The following XPO1 variants were observed in gnomAD, a reference collection of about 807,000 sequenced individuals.
XPO1 encodes exportin 1.
Under a neutral mutation model 133.3 loss-of-function variants are expected in XPO1, and 5 were observed. The ratio of observed to expected loss-of-function variants is 0.04; its 90% CI spans 0.02 to 0.08. XPO1 has a LOEUF of 0.08. Among genes scored for constraint, XPO1 ranks in the 10% least tolerant of loss-of-function variants. The pLI is 1.00. For missense variants in XPO1, 506 were observed against 1,267.5 expected (o/e 0.40, Z 9.12); for synonymous variants, 419 against 408.2 (o/e 1.03, Z -0.32).
intron 17 of XPO1, 60 bp from the exon 18 acceptor site, chr2:61,488,831 G>A (rs974441749): frequency 2.4e-5 from 38 of 1,570,592 alleles, no homozygotes; most frequent in Non-Finnish European, 3.2e-5. Context: ...GCTGGGAACA[G>A]TGGCTCACGC....
chr2:61,515,041 C>A (rs1184868344), intron 4 of XPO1, among the ~76,000 whole-genome samples: 1 of 146,570 alleles, frequency 6.8e-6, no homozygotes, highest in African/African-American at 2.5e-5. Context: ...TGCACTCCAG[C>A]CTGGGCGACA....
chr2:61,509,495 G>A (rs914590795), intron 4 of XPO1, among the ~76,000 whole-genome samples: 9 of 151,986 alleles, frequency 5.9e-5, no homozygotes, highest in East Asian at 3.9e-4. Flanking sequence ...GCATGGTGCC[G>A]CATGACTGTA....
intron 4 of XPO1, among the ~76,000 whole-genome samples, chr2:61,522,185 T>C (rs1698727944): frequency 6.6e-6 from 1 of 152,128 alleles, no homozygotes; most frequent in Non-Finnish European, 1.5e-5. Context: ...TGCTCCCACA[T>C]AGCTGGGACC....
At chr2:61,531,790 G>C (rs1018664874) in intron 2 of XPO1, among the ~76,000 whole-genome samples, 6 of 152,184 alleles carry the variant, frequency 3.9e-5, no homozygotes, top group African/African-American at 1.2e-4. Context: ...TATAGCATGA[G>C]TAACAACTAA....
chr2:61,513,563 G>A (rs1209192937), intron 4 of XPO1, among the ~76,000 whole-genome samples: 2 of 149,572 alleles, frequency 1.3e-5, no homozygotes, highest in East Asian at 4.0e-4. Context: ...GACCTCAAGA[G>A]ATCTGCCTGC....
chr2:61,515,706 A>C (rs542675737), intron 4 of XPO1, among the ~76,000 whole-genome samples: 35 of 152,258 alleles, frequency 2.3e-4, no homozygotes, highest in Non-Finnish European at 4.1e-4. Context: ...ACTAAATAAA[A>C]TTTTATGAGT....
At chr2:61,520,762 C>G (rs1396833840) in intron 4 of XPO1, among the ~76,000 whole-genome samples, 1 of 152,154 alleles carries the variant, frequency 6.6e-6, no homozygotes, top group Non-Finnish European at 1.5e-5. Context: ...AAAACATCTT[C>G]CAGAACCATC....
At chr2:61,523,748 A>AT (rs1698794774) in intron 3 of XPO1, among the ~76,000 whole-genome samples, 1 of 152,214 alleles carries the variant, frequency 6.6e-6, no homozygotes, top group Non-Finnish European at 1.5e-5. Context: ...GTGAATGCTC[A>AT]TTTTATCCAA....
chr2:61,492,827 T>C lies in XPO1; in HGVS notation c.1385-79A>G. 6.4e-7 allele frequency: 1 copy of C among 1,561,878 alleles called. No homozygotes were observed. The highest frequency in any genetic ancestry group is 8.7e-7 in the Non-Finnish European group (1 of 1,153,666). On this transcript the variant is annotated intron_variant, in intron 13 of 24. Coordinates refer to ENST00000401558, the MANE Select transcript of XPO1 (RefSeq NM_003400.4). This position sits in a 1 kb window ranked among gnomAD's most constrained non-coding sequence, Gnocchi z 5.6. ...GAGTAACAATACATTTAGAAAATAT[T>C]TAGAAACTACAAGTACATTTCCTAA...
chr2:61,479,140 C>T (rs948104312), intron 24 of XPO1, among the ~76,000 whole-genome samples, 174 bp from the exon 25 acceptor site: 1 of 152,058 alleles, frequency 6.6e-6, no homozygotes, highest in Non-Finnish European at 1.5e-5. Flanking sequence ...GAATGAACTG[C>T]AAACCTGTTA....
chr2:61,489,184 C>T (rs1696843493), intron 17 of XPO1, among the ~76,000 whole-genome samples: 1 of 152,020 alleles, frequency 6.6e-6, no homozygotes. Flanking sequence ...GAGGCTGAGT[C>T]GGGTGCATCA....
At chr2:61,484,180 T>TTAA in intron 20 of XPO1, 75 bp from the exon 21 acceptor site, 3 of 1,308,534 alleles carry the variant, frequency 2.3e-6, no homozygotes, top group Non-Finnish European at 3.2e-6. Context: ...AAAGCAAGGC[T>TTAA]TAATCCAGTA....
At chr2:61,511,675 A>G (rs2104623870) in intron 4 of XPO1, among the ~76,000 whole-genome samples, 2 of 152,364 alleles carry the variant, frequency 1.3e-5, no homozygotes, top group South Asian at 4.1e-4. Context: ...CTGGGATTGC[A>G]GGCCTCAATC....
At chr2:61,491,914 GAA>G in intron 16 of XPO1, 119 bp downstream of exon 16, 1 of 1,277,100 alleles carries the variant, frequency 7.8e-7, no homozygotes, top group Non-Finnish European at 1.1e-6. Flanking sequence ...AAAAAAGAAA[GAA>G]AATTTAATCA....
intron 11 of XPO1, 188 bp from the exon 12 acceptor site, chr2:61,494,279 C>G (rs908428222): frequency 1.9e-6 from 1 of 523,550 alleles, no homozygotes; most frequent in Non-Finnish European, 3.4e-6. Context: ...CCCTAAAGCA[C>G]TTCAAAAATC....
rs1573090679 is a variant in XPO1, at chr2:61,478,974, AAC to A, written c.3070-10_3070-9del. On this transcript the variant is annotated splice_polypyrimidine_tract_variant and intron_variant, in intron 24 of 24. Transcript: ENST00000401558. ...GTCTTCACCTGCAAATTCCTGTGAA[AAC>A]AGATAGTTGAAATGTCAACGCAATA... The A allele has an allele frequency of 6.2e-6, 10 of 1,609,932 alleles. No homozygotes were observed. Among genetic ancestry groups the A allele is most frequent in the African/African-American group, 1.3e-5 (1 of 74,902 alleles).
At chr2:61,528,489 C>T (rs1001727433) in intron 2 of XPO1, among the ~76,000 whole-genome samples, 2 of 151,566 alleles carry the variant, frequency 1.3e-5, no homozygotes, top group South Asian at 4.2e-4. Context: ...AAAAACTAGC[C>T]GGGAATGGTG....
At chr2:61,487,651 T>G (rs1446456317) in intron 19 of XPO1, among the ~76,000 whole-genome samples, 2 of 152,174 alleles carry the variant, frequency 1.3e-5, no homozygotes, top group African/African-American at 4.8e-5. Context: ...AGTTAAAACC[T>G]AAAACTAATT....
At chr2:61,493,512 G>GA (rs1697094551) in intron 12 of XPO1, 1 of 203,450 alleles carries the variant, frequency 4.9e-6, no homozygotes, top group Admixed American at 5.5e-5. Context: ...GTCTCCAAAA[G>GA]AAAAAATTTT....
Sources: allele counts gnomAD v4.1 joint callset (sites outside exome capture counted in the v4.1 genomes callset), GRCh38; gene constraint gnomAD v4.1.1; non-coding constraint Gnocchi (gnomAD v3.1); transcripts MANE v1.5; gene names NCBI Gene and HGNC (gene_info 2026-07-23, HGNC 2026-07-21).